SLC2A5: variants seen among roughly 807,000 people sequenced by gnomAD.
SLC2A5 encodes the protein solute carrier family 2, facilitated glucose transporter member 5.
A neutral mutation model predicts 50.3 loss-of-function variants in SLC2A5; 56 were observed. The ratio of observed to expected loss-of-function variants is 1.11; its 90% CI spans 0.90 to 1.39. The LOEUF is 1.39. Among genes scored for constraint, SLC2A5 ranks in the 40% most tolerant of loss-of-function variants. The pLI, the probability that SLC2A5 is intolerant of heterozygous loss-of-function variation, is 0.00. For synonymous variants in SLC2A5, 269 were observed against 281.9 expected (o/e 0.95, Z 0.46); for missense variants, 566 against 650.1 (o/e 0.87, Z 1.41).
At chr1:9,055,328 C>T (rs770025) in intron 3 of SLC2A5, among the ~76,000 whole-genome samples, 9,107 of 152,058 alleles carry the variant, frequency 0.06, 295 homozygotes, top group East Asian at 0.11. Context: ...CCAGCCTGGC[C>T]AACATGGTGA....
At chr1:9,066,158 C>T (rs1642076680) in intron 1 of SLC2A5, among the ~76,000 whole-genome samples, 1 of 152,082 alleles carries the variant, frequency 6.6e-6, no homozygotes, top group African/African-American at 2.4e-5. Flanking sequence ...GGAGCCACTC[C>T]ACAAAAATGT....
upstream of SLC2A5, chr1:9,069,907 C>G (rs1296246093): frequency 1.1e-4 from 22 of 202,444 alleles, no homozygotes; most frequent in East Asian, 2.1e-3. Context: ...CAGCTGTCCT[C>G]CACCCTACAT....
intron 2 of SLC2A5, among the ~76,000 whole-genome samples, chr1:9,078,797 C>A (rs997626469): frequency 1.3e-5 from 2 of 152,074 alleles, no homozygotes; most frequent in African/African-American, 2.4e-5. Flanking sequence ...TTCCCACTCA[C>A]GTCTCTCTGG....
chr1:9,052,157 A>G (rs1170407768), intron 3 of SLC2A5, among the ~76,000 whole-genome samples: 1 of 152,066 alleles, frequency 6.6e-6, no homozygotes, highest in East Asian at 1.9e-4. Flanking sequence ...GGTGGCGTGC[A>G]CCTGTAGTCC....
At chr1:9,043,023 A>G (rs1035698305) in intron 4 of SLC2A5, among the ~76,000 whole-genome samples, 4 of 152,206 alleles carry the variant, frequency 2.6e-5, no homozygotes, top group Non-Finnish European at 5.9e-5. Flanking sequence ...TTAAAAAAAC[A>G]TAGGCAGAAT....
At chr1:9,091,583 C>T (rs974339168), upstream of SLC2A5, among the ~76,000 whole-genome samples, 10 of 151,412 alleles carry the variant, frequency 6.6e-5, no homozygotes, top group African/African-American at 2.2e-4. Flanking sequence ...CTCTCTCAAC[C>T]CTCTATCTCT....
In SLC2A5 at chr1:9,038,019, TGGGACCTGTAGGGGGAG is replaced by T; in HGVS notation, c.1175-12_1179del. ...ATCTCAGTGATGAGCAGCGCGGGTA[TGGGACCTGTAGGGGGAG>T]GAGAGCAGCCTCCCTGAAGGCAGAG... On this transcript the variant is annotated splice_acceptor_variant and splice_polypyrimidine_tract_variant and coding_sequence_variant and intron_variant, in exon 11 of 12. Coordinates refer to ENST00000377424, the MANE Select transcript of SLC2A5 (RefSeq NM_003039.3). LOFTEE classifies it high-confidence loss of function. The T allele has an allele frequency of 6.2e-7, 1 of 1,613,720 alleles. No individual in the cohort carries two copies. Among genetic ancestry groups the T allele is most frequent in the Non-Finnish European group, 8.5e-7 (1 of 1,179,982 alleles).
chr1:9,049,703 GAA>G (rs35784062), intron 3 of SLC2A5, among the ~76,000 whole-genome samples: 2,896 of 136,448 alleles, frequency 0.021, 102 homozygotes, highest in African/African-American at 0.067. Flanking sequence ...TCTGTCTAAA[GAA>G]AAAAAAAAAA....
At chr1:9,082,306 T>C (rs1441965430) in intron 2 of SLC2A5, among the ~76,000 whole-genome samples, 1 of 152,132 alleles carries the variant, frequency 6.6e-6, no homozygotes, top group African/African-American at 2.4e-5. Flanking sequence ...TGTACACATA[T>C]GTTCGTAGCA....
Position 9,047,713 on chromosome 1 carries a change from GT to G in SLC2A5, c.314del (p.Asn105ThrfsTer11), listed in dbSNP as rs1641471401. 2.5e-6 allele frequency: 4 copies of G among 1,613,944 alleles called. No homozygotes were observed. In the African/African-American group the frequency reaches 5.3e-5, roughly 22 times the overall value. ...KFGRKGALLF[N>X]NIFSIVPAIL... Reference sequence around the variant, plus strand: ...TCGCAGGCACGATAGAAAATATGTTGTTGAACAGCAAGGCCCCTTTTCTGCA... The same window carrying G: ...TCGCAGGCACGATAGAAAATATGTTGTGAACAGCAAGGCCCCTTTTCTGCA... On this transcript the variant is annotated frameshift_variant, in exon 4 of 12. Coordinates refer to ENST00000377424, the MANE Select transcript of SLC2A5 (RefSeq NM_003039.3). LOFTEE classifies it high-confidence loss of function.
intron 3 of SLC2A5, among the ~76,000 whole-genome samples, chr1:9,052,643 C>A (rs1198727198): frequency 1.3e-5 from 2 of 152,140 alleles, no homozygotes; most frequent in Non-Finnish European, 2.9e-5. Context: ...GGAGACTATG[C>A]ATGTATTGGA....
intron 4 of SLC2A5, among the ~76,000 whole-genome samples, chr1:9,045,923 G>C (rs1641423362): frequency 6.6e-6 from 1 of 151,330 alleles, no homozygotes; most frequent in Admixed American, 6.6e-5. Context: ...TGCTCTCAGG[G>C]AAAGCCGAGC....
At position 9,035,129 on chromosome 1, in the gene SLC2A5, A is replaced by T. The variant is rs1641110443; in HGVS notation, c.*2457T>A. 6.6e-6 allele frequency: 1 copy of T among 152,240 alleles called. No individual in the cohort carries two copies. The highest frequency in any genetic ancestry group is 6.5e-5 in the Admixed American group (1 of 15,284). The allele number at this position is 152,240 out of a possible 1,614,324, so 9.4% of individuals were successfully genotyped here. ...AAGTCATTTAATTCTCACAATGGACATGTGAGACATTTACTATTAGTGCCA... is the reference window on the plus strand; with the variant it reads ...AAGTCATTTAATTCTCACAATGGACTTGTGAGACATTTACTATTAGTGCCA... On this transcript the variant is annotated 3_prime_UTR_variant, in exon 12 of 12. Transcript: ENST00000377424.
In SLC2A5 at chr1:9,063,857, G is replaced by A. The variant is rs567090641; in HGVS notation, c.34-5607C>T. On this transcript the variant is annotated intron_variant, in intron 1 of 11. Transcript: ENST00000377424. ...ACTACAGGCGCCCGCTACCACGCCC[G>A]GCTAATTTTTTGTATTTTTAGTAGA... 1.1e-3 allele frequency among the ~76,000 whole-genome samples: 161 copies of A among 142,668 alleles called. 13 individuals are homozygous for A. The highest frequency in any genetic ancestry group is 4.0e-3 in the African/African-American group (146 of 36,222). 93.6% of individuals were successfully genotyped at this position (142,668 alleles called of 152,430 possible).
In SLC2A5 at chr1:9,035,326, C is replaced by T. The variant is rs971552558; in HGVS notation, c.*2260G>A. 2 of 152,262 alleles carry T rather than the reference C, an allele frequency of 1.3e-5. No individual in the cohort carries two copies. Among genetic ancestry groups the T allele is most frequent in the African/African-American group, 4.8e-5 (2 of 41,446 alleles). 9.4% of individuals were successfully genotyped at this position (152,262 alleles called of 1,614,324 possible). On this transcript the variant is annotated 3_prime_UTR_variant, in exon 12 of 12. Coordinates refer to ENST00000377424, the MANE Select transcript of SLC2A5 (RefSeq NM_003039.3). ...GTTTCTTGACTTCTGATATTCTGAC[C>T]TGGCCTCTCCTCAGCTCTGAGAGCC...
upstream of SLC2A5, among the ~76,000 whole-genome samples, chr1:9,070,448 T>C (rs1429439792): frequency 6.6e-6 from 1 of 152,042 alleles, no homozygotes. Flanking sequence ...TCATCACTAC[T>C]GGGAAGGTGG....
At chr1:9,074,477 C>G (rs1642259019), upstream of SLC2A5, among the ~76,000 whole-genome samples, 1 of 152,144 alleles carries the variant, frequency 6.6e-6, no homozygotes, top group Non-Finnish European at 1.5e-5. Flanking sequence ...ATGTCTGTCT[C>G]TTGCTCAGTA....
intron 2 of SLC2A5, among the ~76,000 whole-genome samples, chr1:9,083,908 G>C (rs1642377902): frequency 6.6e-6 from 1 of 152,128 alleles, no homozygotes. Flanking sequence ...ACTTTGGGAG[G>C]CCGAGGCGGG....
intron 1 of SLC2A5, among the ~76,000 whole-genome samples, chr1:9,061,993 A>C (rs904080237): frequency 6.6e-6 from 1 of 152,176 alleles, no homozygotes; most frequent in Non-Finnish European, 1.5e-5. Flanking sequence ...CCATTCTTTC[A>C]CTGCCTCCCT....
Sources: allele counts gnomAD v4.1 joint callset (sites outside exome capture counted in the v4.1 genomes callset), GRCh38; gene constraint gnomAD v4.1.1; transcripts MANE v1.5; gene names NCBI Gene and HGNC (gene_info 2026-07-23, HGNC 2026-07-21).